The following ZW10 variants were observed in gnomAD, a reference collection of about 807,000 sequenced individuals.
ZW10 encodes zw10 kinetochore protein.
A neutral mutation model predicts 87.8 loss-of-function variants in ZW10; 53 were observed. The observed-to-expected ratio is 0.60, with a 90% CI of 0.48 to 0.76. The LOEUF (loss-of-function observed/expected upper bound fraction) is 0.76. Ranked by LOEUF, ZW10 falls within the 30% of genes least tolerant of loss-of-function variation. The pLI, the probability that ZW10 is intolerant of heterozygous loss-of-function variation, is 0.00. For synonymous variants in ZW10, 312 were observed against 329.2 expected, an observed-to-expected ratio of 0.95 and a Z score of 0.57; for missense variants, 837 against 923.0, an observed-to-expected ratio of 0.91 and a Z score of 1.21.
intron 9 of ZW10, among the ~76,000 whole-genome samples, chr11:113,745,544 CA>C (rs1404909257): frequency 6.6e-6 from 1 of 151,986 alleles, no homozygotes; most frequent in African/African-American, 2.4e-5. Context: ...ACTGGGTAGT[CA>C]AAAATTATGG....
In ZW10 at chr11:113,760,219, T is replaced by C; in HGVS notation, c.570A>G (p.Pro190=). 2 of 1,613,958 alleles carry C rather than the reference T, an allele frequency of 1.2e-6. No homozygotes were observed. The highest frequency in any genetic ancestry group is 1.7e-6 in the Non-Finnish European group (2 of 1,179,944). ...TGAGGTCAGCAGCACCTTTTGATGG[T>C]GGGAACTTCCATACAATCAGCTTCT... ...EWQKLIVWKF[P]PSKDTSSLES... Residue 190 remains proline (P), a synonymous_variant, in exon 5 of 16, where the codon CCA becomes CCG. Coordinates refer to ENST00000200135, the MANE Select transcript of ZW10 (RefSeq NM_004724.4).
chr11:113,745,165 T>A (rs1953666136), intron 9 of ZW10, among the ~76,000 whole-genome samples: 1 of 152,138 alleles, frequency 6.6e-6, no homozygotes, highest in Non-Finnish European at 1.5e-5. Flanking sequence ...GCTGTGAATG[T>A]GAAAACAGTA....
chr11:113,741,786 T>A, intron 10 of ZW10, 21 bp from the exon 11 acceptor site: 14 of 1,552,660 alleles, frequency 9.0e-6, no homozygotes, highest in Non-Finnish European at 1.1e-5. Context: ...AACATAGACT[T>A]AACAGAAATG....
chr11:113,766,188 T>G (rs756195607), intron 2 of ZW10, among the ~76,000 whole-genome samples: 1 of 150,642 alleles, frequency 6.6e-6, no homozygotes, highest in Non-Finnish European at 1.5e-5. Context: ...CTGGGCAACA[T>G]TGTGAGACCC....
In ZW10 at chr11:113,773,660, A is replaced by G; in HGVS notation, c.7T>C (p.Ser3Pro). 1 of 1,613,064 alleles carries G rather than the reference A, an allele frequency of 6.2e-7. No individual in the cohort carries two copies. The change falls in exon 1 of 16, where the codon TCG becomes CCG. Residue 3 changes from serine to proline, a missense_variant. Transcript: ENST00000200135. ...TGTGCCAAAACTTCTGTCACGAACG[A>G]GGCCATGGCCAAGACGGGAACCAAC... MA[S>P]FVTEVLAHSG... is the part of the protein sequence containing the mutation.
rs1215805589 is a variant in ZW10 at position 113,744,001 on chromosome 11, T to C, written c.1312A>G (p.Thr438Ala). 1 of 1,613,694 alleles carries C rather than the reference T, an allele frequency of 6.2e-7. No homozygotes were observed. Among genetic ancestry groups the C allele is most frequent in the African/African-American group, 1.3e-5 (1 of 74,878 alleles). Reference sequence around the variant, plus strand: ...TCCAGTTTGTTATCCTCATCAGGAGTGGGTAACTCTGGCACATTTATCTTA... The same window carrying C: ...TCCAGTTTGTTATCCTCATCAGGAGCGGGTAACTCTGGCACATTTATCTTA... ...DSKINVPELPTPDEDNKLEVQ... is the reference protein window; with the variant it reads ...DSKINVPELPAPDEDNKLEVQ... The change falls in exon 10 of 16, where the codon ACT (threonine) becomes GCT (alanine). Residue 438 changes from threonine (T) to alanine (A), a missense_variant. Transcript: ENST00000200135.
intron 15 of ZW10, 47 bp from the exon 16 acceptor site, chr11:113,733,861 T>A (rs754464712): frequency 1.3e-6 from 2 of 1,532,750 alleles, no homozygotes; most frequent in Non-Finnish European, 1.8e-6. Flanking sequence ...GTCTCTGAAG[T>A]ATAAGCAAGA....
At chr11:113,740,107 A>G (rs2364110) in intron 11 of ZW10, among the ~76,000 whole-genome samples, 11,694 of 152,224 alleles carry the variant, frequency 0.077, 531 homozygotes, top group Middle Eastern at 0.17. Flanking sequence ...ACTAGGATAT[A>G]CAAGTCAGAA....
At chr11:113,767,239 AT>A (rs1415490217) in intron 2 of ZW10, among the ~76,000 whole-genome samples, 2 of 148,458 alleles carry the variant, frequency 1.3e-5, no homozygotes, top group African/African-American at 2.5e-5. Context: ...CTTTTTATTT[AT>A]TTTTTTTTAC....
At chr11:113,746,495 C>CAAAAAAAAAAAAAAAAAAAATA (rs566009326) in intron 9 of ZW10, among the ~76,000 whole-genome samples, 1 of 105,342 alleles carries the variant, frequency 9.5e-6, no homozygotes, top group African/African-American at 3.9e-5. Flanking sequence ...ACAAAACAGT[C>CAAAAAAAAAAAAAAAAAAAATA]AAAAAAAAAA....
At chr11:113,750,570 C>G (rs900840041) in intron 7 of ZW10, among the ~76,000 whole-genome samples, 8 of 152,274 alleles carry the variant, frequency 5.3e-5, no homozygotes, top group Non-Finnish European at 7.4e-5. Context: ...TCCCAAAGTG[C>G]TGGGATTACA....
At chr11:113,764,115 C>T (rs976062246) in intron 2 of ZW10, among the ~76,000 whole-genome samples, 1 of 152,142 alleles carries the variant, frequency 6.6e-6, no homozygotes, top group Admixed American at 6.6e-5. Flanking sequence ...TACTGAATAG[C>T]AGATCCTTTC....
chr11:113,757,811 C>A lies in ZW10; in HGVS notation c.776G>T (p.Cys259Phe). 3 of 1,612,500 alleles carry A rather than the reference C, an allele frequency of 1.9e-6. No homozygotes were observed. Among genetic ancestry groups the A allele is most frequent in the Non-Finnish European group, 2.5e-6 (3 of 1,179,074 alleles). The part of the protein sequence containing the change: ...LKYILRPLAS[C>F]PSLHAVIESQ... ...TTCTATCACAGCATGAAGGGATGGG[C>A]AAGATGCCAGCGGCCTAAGGATATA... Residue 259 changes from cysteine to phenylalanine, a missense_variant, in exon 7 of 16, where the codon TGC becomes TTC. Transcript: ENST00000200135.
chr11:113,758,543 G>C lies in ZW10; in HGVS notation c.733+11C>G. Reference sequence around the variant, plus strand: ...GATTTTGTGTAAATGAAACAAAGTAGCATGCCTTACCAAATGATTTAAGCT... The same window carrying C: ...GATTTTGTGTAAATGAAACAAAGTACCATGCCTTACCAAATGATTTAAGCT... On this transcript the variant is annotated intron_variant, in intron 6 of 15. Transcript: ENST00000200135. 6.2e-7 allele frequency: 1 copy of C among 1,612,124 alleles called. No individual in the cohort carries two copies. Among genetic ancestry groups the C allele is most frequent in the African/African-American group, 1.3e-5 (1 of 74,948 alleles).
At chr11:113,739,812 CTAGAT>C (rs1953595010) in intron 11 of ZW10, among the ~76,000 whole-genome samples, 1 of 152,264 alleles carries the variant, frequency 6.6e-6, no homozygotes, top group South Asian at 2.1e-4. Context: ...CAAAAACTGA[CTAGAT>C]TAGAGTCACC....
In ZW10 at chr11:113,736,602, T is replaced by A. The variant is rs757529614; in HGVS notation, c.2219+18A>T. On this transcript the variant is annotated intron_variant, in intron 15 of 15. Transcript: ENST00000200135. ...AGCTATGGAGAGTTATATGCCTCTA[T>A]AGAAGGGTTATACATACCGATCCCC... 6.2e-7 allele frequency: 1 copy of A among 1,613,542 alleles called. No individual in the cohort carries two copies. Among genetic ancestry groups the A allele is most frequent in the Non-Finnish European group, 8.5e-7 (1 of 1,179,554 alleles).
At chr11:113,746,931 T>G (rs1289172833) in intron 9 of ZW10, among the ~76,000 whole-genome samples, 3 of 152,028 alleles carry the variant, frequency 2.0e-5, no homozygotes, top group Non-Finnish European at 2.9e-5. Flanking sequence ...GGGAAGACAC[T>G]GGACTTTCTG....
chr11:113,766,396 C>T (rs1232237724), intron 2 of ZW10, among the ~76,000 whole-genome samples: 7 of 151,900 alleles, frequency 4.6e-5, no homozygotes, highest in East Asian at 1.9e-4. Context: ...TTAGGCTGGG[C>T]GCGGTGGCTC....
In ZW10 at chr11:113,768,816, T is replaced by A; in HGVS notation, c.240+17A>T. On this transcript the variant is annotated intron_variant, in intron 2 of 15. Transcript: ENST00000200135. ...CACCTCCCTACAAACCTACCCAATATAACAAATTATCCTTACCTCACTCTC... is the reference window on the plus strand; with the variant it reads ...CACCTCCCTACAAACCTACCCAATAAAACAAATTATCCTTACCTCACTCTC... The A allele has an allele frequency of 6.2e-7, 1 of 1,613,388 alleles. No homozygotes were observed. Among genetic ancestry groups the A allele is most frequent in the Non-Finnish European group, 8.5e-7 (1 of 1,179,704 alleles).
Sources: gnomAD v4.1 joint callset for allele counts (sites outside exome capture counted in the v4.1 genomes callset) on GRCh38, gnomAD v4.1.1 for gene constraint, MANE v1.5 for transcripts, NCBI Gene and HGNC (gene_info 2026-07-23, HGNC 2026-07-21) for gene names.